Variants in NAALAD2 observed in about 807,000 individuals in gnomAD.
NAALAD2 encodes the protein N-acetylated-alpha-linked acidic dipeptidase 2.
NAALAD2 carries 89 observed loss-of-function variants against 95.6 expected under a neutral mutation model. The ratio of observed to expected loss-of-function variants is 0.93; its 90% CI spans 0.78 to 1.11. The LOEUF is 1.11. NAALAD2 is among the 50% of genes least tolerant of loss of function. The pLI is 0.00. For missense variants in NAALAD2, 894 were observed against 872.4 expected (o/e 1.02, Z -0.31); for synonymous variants, 264 against 294.4 (o/e 0.90, Z 1.06).
intron 12 of NAALAD2, chr11:90,169,222 G>T: frequency 2.7e-6 from 1 of 366,114 alleles, no homozygotes; most frequent in Non-Finnish European, 4.8e-6. Context: ...CTAAGCTATT[G>T]CTTTTAATTT....
At chr11:90,174,028 G>A (rs1350427225) in intron 14 of NAALAD2, 113 bp downstream of exon 14, 8 of 800,696 alleles carry the variant, frequency 1.0e-5, no homozygotes, top group Non-Finnish European at 1.6e-5. Flanking sequence ...TTTGAGCCAA[G>A]AAAAGATAAT....
Position 90,178,010 on chromosome 11 carries a change from C to G in NAALAD2, c.1751C>G (p.Pro584Arg). 1 of 1,613,788 alleles carries G rather than the reference C, an allele frequency of 6.2e-7. No homozygotes were observed. Among genetic ancestry groups the G allele is most frequent in the Non-Finnish European group, 8.5e-7 (1 of 1,179,904 alleles). ...GAGCTTGTGGATTCTAAAATCATTC[C>G]TTTTAATATTCAAGACTATGCAGAA... Reference protein sequence around the residue: ...VYELVDSKIIPFNIQDYAEAL... With the variant: ...VYELVDSKIIRFNIQDYAEAL... Residue 584 changes from proline to arginine, a missense_variant, in exon 16 of 19, where the codon CCT becomes CGT. Coordinates refer to ENST00000534061, the MANE Select transcript of NAALAD2 (RefSeq NM_005467.4).
intron 2 of NAALAD2, among the ~76,000 whole-genome samples, chr11:90,140,014 TCAAG>T (rs1490073613): frequency 6.6e-6 from 1 of 152,138 alleles, no homozygotes; most frequent in African/African-American, 2.4e-5. Context: ...ACGGTGTTAT[TCAAG>T]GTTTACAGTA....
upstream of NAALAD2, among the ~76,000 whole-genome samples, chr11:90,132,985 AC>A (rs948605834): frequency 2.0e-5 from 3 of 152,222 alleles, no homozygotes; most frequent in Non-Finnish European, 4.4e-5. Context: ...AAAGTTAAGT[AC>A]CAGGTATGCT....
At chr11:90,147,198 G>C (rs1590965379) in intron 2 of NAALAD2, 132 bp from the exon 3 acceptor site, 1 of 676,142 alleles carries the variant, frequency 1.5e-6, no homozygotes, top group African/African-American at 1.8e-5. Flanking sequence ...AGCATTAGCT[G>C]TGTTTCTTTT....
upstream of NAALAD2, among the ~76,000 whole-genome samples, chr11:90,134,242 A>G (rs975090941): frequency 3.3e-5 from 5 of 152,206 alleles, no homozygotes; most frequent in Non-Finnish European, 7.3e-5. Flanking sequence ...TTTGATGCTG[A>G]CAGTGATTGC....
chr11:90,182,557 C>T (rs1356402761), intron 17 of NAALAD2, among the ~76,000 whole-genome samples: 1 of 152,106 alleles, frequency 6.6e-6, no homozygotes, highest in East Asian at 1.9e-4. Context: ...CTTTTTTCAG[C>T]AGTAGAACCG....
intron 18 of NAALAD2, among the ~76,000 whole-genome samples, chr11:90,187,432 T>A (rs1348778993): frequency 6.6e-6 from 1 of 151,908 alleles, no homozygotes; most frequent in Non-Finnish European, 1.5e-5. Flanking sequence ...CTAATTCATA[T>A]TATTATGTTT....
chr11:90,141,687 C>T (rs768225427), intron 2 of NAALAD2, among the ~76,000 whole-genome samples: 6 of 151,972 alleles, frequency 3.9e-5, no homozygotes, highest in South Asian at 2.1e-4. Context: ...TGGAGTTAAG[C>T]GATCCTCCCA....
At chr11:90,135,467 G>C in intron 1 of NAALAD2, 92 bp from the exon 2 acceptor site, 1 of 707,494 alleles carries the variant, frequency 1.4e-6, no homozygotes, top group Non-Finnish European at 2.2e-6. Context: ...AAGGCTTTTT[G>C]GGGGGAAGGA....
intron 8 of NAALAD2, among the ~76,000 whole-genome samples, chr11:90,162,095 C>T (rs933578545): frequency 2.0e-5 from 3 of 152,036 alleles, no homozygotes; most frequent in South Asian, 4.1e-4. Flanking sequence ...CATTAAAAAA[C>T]GATCACAAAC....
intron 2 of NAALAD2, among the ~76,000 whole-genome samples, chr11:90,145,089 G>A (rs577719017): frequency 1.4e-4 from 21 of 152,220 alleles, no homozygotes; most frequent in African/African-American, 4.8e-4. Flanking sequence ...GATTTGAGAA[G>A]GGGTAAATGA....
At chr11:90,156,338 A>AC (rs1396023983) in intron 6 of NAALAD2, among the ~76,000 whole-genome samples, 1 of 152,098 alleles carries the variant, frequency 6.6e-6, no homozygotes, top group African/African-American at 2.4e-5. Flanking sequence ...CTGGGATTAC[A>AC]CACATGAGCC....
upstream of NAALAD2, among the ~76,000 whole-genome samples, chr11:90,132,560 AATAAC>A (rs1951369058): frequency 6.6e-6 from 1 of 152,164 alleles, no homozygotes; most frequent in Admixed American, 6.5e-5. Context: ...TATGTACAAA[AATAAC>A]ATTTGATATT....
intron 6 of NAALAD2, among the ~76,000 whole-genome samples, chr11:90,156,205 A>C (rs77403061): frequency 0.025 from 3,744 of 151,734 alleles, 146 homozygotes; most frequent in African/African-American, 0.084. Context: ...GATTATCTTT[A>C]CTATTATTTT....
chr11:90,134,894 G>A (rs996619294), intron 1 of NAALAD2, 54 bp downstream of exon 1: 1 of 1,585,830 alleles, frequency 6.3e-7, no homozygotes, highest in Non-Finnish European at 8.7e-7. Context: ...TCTCTGCAGA[G>A]ATAAAGGGAG....
Position 90,192,502 on chromosome 11 carries a change from A to G in NAALAD2, c.*755A>G, listed in dbSNP as rs2135009827. 1 of 152,222 alleles carries G rather than the reference A, an allele frequency of 6.6e-6. No homozygotes were observed. The highest frequency in any genetic ancestry group is 1.9e-4 in the East Asian group (1 of 5,188). 9.4% of individuals were successfully genotyped at this position (152,222 alleles called of 1,614,324 possible). A position where few individuals can be genotyped will look rare whatever the true frequency, so the allele number is the denominator to read the frequency against. On this transcript the variant is annotated 3_prime_UTR_variant, in exon 19 of 19. Transcript: ENST00000534061. ...GAAGTATGAGGAAACTTTCTCCAATAGATGAGAATTTTCCGTATCTTGATC... is the reference window on the plus strand; with the variant it reads ...GAAGTATGAGGAAACTTTCTCCAATGGATGAGAATTTTCCGTATCTTGATC...
At position 90,158,184 on chromosome 11, in the gene NAALAD2, TC is replaced by T; in HGVS notation, c.841del (p.Arg281GlufsTer35). The T allele has an allele frequency of 1.2e-6, 2 of 1,610,614 alleles. No homozygotes were observed. Among genetic ancestry groups the T allele is most frequent in the Non-Finnish European group, 1.7e-6 (2 of 1,178,092 alleles). On this transcript the variant is annotated frameshift_variant, in exon 7 of 19. Coordinates refer to ENST00000534061, the MANE Select transcript of NAALAD2 (RefSeq NM_005467.4). LOFTEE classifies it high-confidence loss of function. ...FRLDVEEGVG[I>X]PRIPVHPIGY... Reference sequence around the variant, plus strand: ...CTTGATGTTGAAGAAGGAGTGGGAATCCCCCGAATACCTGTACATCCCATTG... The same window carrying T: ...CTTGATGTTGAAGAAGGAGTGGGAATCCCCGAATACCTGTACATCCCATTG...
rs1003780820 is a variant in NAALAD2 at position 90,163,868 on chromosome 11, TA to T, written c.1278+257del. The T allele has an allele frequency of 1.7e-5, 8 of 462,186 alleles. No homozygotes were observed. The East Asian group carries it at 2.6e-4, about 15-fold the overall frequency. 28.6% of individuals were successfully genotyped at this position (462,186 alleles called of 1,614,324 possible). A position where few individuals can be genotyped will look rare whatever the true frequency, so the allele number is the denominator to read the frequency against. ...TTCGTTGCCATTTGCATTTGTTTTA[TA>T]AAAAATAAGAAAAATCAGTAAGCTC... is the stretch of plus-strand genomic sequence containing the variant. On this transcript the variant is annotated intron_variant, in intron 11 of 18. Transcript: ENST00000534061.
Sources: gnomAD v4.1 joint callset for allele counts (sites outside exome capture counted in the v4.1 genomes callset) on GRCh38, gnomAD v4.1.1 for gene constraint, MANE v1.5 for transcripts, NCBI Gene and HGNC (gene_info 2026-07-23, HGNC 2026-07-21) for gene names.